EIPR1: variants seen among roughly 807,000 people sequenced by gnomAD.
EIPR1 encodes EARP complex and GARP complex interacting protein 1, also known as EARP and GARP complex-interacting protein 1.
A neutral mutation model predicts 48.1 loss-of-function variants in EIPR1; 25 were observed. That is an observed-to-expected ratio of 0.52 (90% CI 0.38 to 0.73). The LOEUF (loss-of-function observed/expected upper bound fraction) is 0.73, where lower values mean the gene tolerates loss of function less well. Ranked by LOEUF, EIPR1 falls within the 30% of genes least tolerant of loss-of-function variation. The probability of loss-of-function intolerance (pLI) is 0.00; values close to 1 mark genes in which losing one functional copy is unlikely to be tolerated. For synonymous variants in EIPR1, 204 were observed against 201.9 expected (o/e 1.01, Z -0.09); for missense variants, 415 against 506.2 (o/e 0.82, Z 1.73).
chr2:3,245,532 G>C (rs575884319), intron 4 of EIPR1, among the ~76,000 whole-genome samples: 1 of 152,306 alleles, frequency 6.6e-6, no homozygotes, highest in African/African-American at 2.4e-5. Context: ...ATTTTAAATG[G>C]AGACTTTAAA....
chr2:3,321,027 G>A (rs1669510709), intron 3 of EIPR1, among the ~76,000 whole-genome samples: 1 of 152,194 alleles, frequency 6.6e-6, no homozygotes. Flanking sequence ...GGCTGGCACT[G>A]TCAAGGTGTT....
chr2:3,366,868 C>T (rs375901834), intron 1 of EIPR1, among the ~76,000 whole-genome samples: 2 of 152,058 alleles, frequency 1.3e-5, no homozygotes, highest in Non-Finnish European at 2.9e-5. Flanking sequence ...GCCTGACCAA[C>T]GTGGTGAAAC....
rs1399912226 is a variant in EIPR1, at chr2:3,257,295, C to T, written c.416+4G>A. 1 of 1,612,042 alleles carries T rather than the reference C, an allele frequency of 6.2e-7. No homozygotes were observed. Among genetic ancestry groups the T allele is most frequent in the Admixed American group, 1.7e-5 (1 of 59,930 alleles). On this transcript the variant is annotated splice_donor_region_variant and intron_variant, in intron 4 of 8. Transcript: ENST00000382125. ...CTGGGCGCATGAAATATGCAAAATC[C>T]TACCAGGCCATGTTGCCATGGGCTG...
At chr2:3,354,742 A>G in intron 1 of EIPR1, 109 bp from the exon 2 acceptor site, 1 of 1,125,294 alleles carries the variant, frequency 8.9e-7, no homozygotes, top group East Asian at 2.5e-5. Flanking sequence ...GATAAAGTAT[A>G]AATTAGTACA....
intron 1 of EIPR1, among the ~76,000 whole-genome samples, chr2:3,355,577 G>A (rs1670702456): frequency 6.6e-6 from 1 of 152,188 alleles, no homozygotes. Context: ...GGGAGCCTGA[G>A]GCAGTAAGAT....
chr2:3,361,335 G>A lies in EIPR1; in HGVS notation c.43-6702C>T, dbSNP rs552543574. On this transcript the variant is annotated intron_variant, in intron 1 of 8. Transcript: ENST00000382125. ...CAAGCCCAACCCCCTAAGCTGCAAGGAAAGAACTCACTTCACAGGTCCCCA... is the reference window on the plus strand; with the variant it reads ...CAAGCCCAACCCCCTAAGCTGCAAGAAAAGAACTCACTTCACAGGTCCCCA... 3.3e-5 allele frequency among the ~76,000 whole-genome samples: 5 copies of A among 152,142 alleles called. No homozygotes were observed. In the South Asian group the frequency reaches 1.0e-3, roughly 32 times the overall value.
At chr2:3,356,348 G>C (rs1048916197) in intron 1 of EIPR1, among the ~76,000 whole-genome samples, 2 of 152,204 alleles carry the variant, frequency 1.3e-5, no homozygotes, top group African/African-American at 4.8e-5. Flanking sequence ...GAGAAACGTA[G>C]GCTGTATACA....
At chr2:3,214,002 C>T (rs577871847) in intron 5 of EIPR1, 147 bp downstream of exon 5, 3 of 632,740 alleles carry the variant, frequency 4.7e-6, no homozygotes, top group East Asian at 2.9e-5. Flanking sequence ...CCTCCCGCTC[C>T]CCCAACCCCA....
At chr2:3,260,639 T>A (rs1667306672) in intron 3 of EIPR1, among the ~76,000 whole-genome samples, 1 of 152,008 alleles carries the variant, frequency 6.6e-6, no homozygotes, top group Admixed American at 6.6e-5. Flanking sequence ...AAGGCCTGTA[T>A]CCAGAATAAA....
intron 5 of EIPR1, among the ~76,000 whole-genome samples, chr2:3,204,756 A>T (rs1032791404): frequency 6.6e-6 from 1 of 152,224 alleles, no homozygotes; most frequent in Non-Finnish European, 1.5e-5. Flanking sequence ...ATTTCCTGCC[A>T]TCAAGAGCCA....
intron 4 of EIPR1, among the ~76,000 whole-genome samples, chr2:3,239,917 G>A (rs1666539223): frequency 1.3e-5 from 2 of 152,186 alleles, no homozygotes; most frequent in South Asian, 2.1e-4. Context: ...CTTCTCCAGG[G>A]TGATGTGAAA....
chr2:3,260,985 C>T (rs1667317692), intron 3 of EIPR1, among the ~76,000 whole-genome samples: 1 of 152,194 alleles, frequency 6.6e-6, no homozygotes, highest in African/African-American at 2.4e-5. Flanking sequence ...CATTCACTTA[C>T]CAGATGACCC....
At chr2:3,244,044 C>T (rs370026143) in intron 4 of EIPR1, among the ~76,000 whole-genome samples, 1 of 152,236 alleles carries the variant, frequency 6.6e-6, no homozygotes, top group African/African-American at 2.4e-5. Context: ...AAGGCTGTGA[C>T]AACCCAGGCC....
At chr2:3,341,391 C>A (rs542473024) in intron 2 of EIPR1, among the ~76,000 whole-genome samples, 1 of 152,076 alleles carries the variant, frequency 6.6e-6, no homozygotes, top group Non-Finnish European at 1.5e-5. Flanking sequence ...CACGGGTGCA[C>A]GTGGGTGTGG....
At chr2:3,335,991 G>A (rs566246844) in intron 3 of EIPR1, among the ~76,000 whole-genome samples, 9 of 152,244 alleles carry the variant, frequency 5.9e-5, no homozygotes, top group South Asian at 2.1e-4. Context: ...AGAAAAGGCC[G>A]AGGACGGGCC....
chr2:3,367,019 T>C lies in EIPR1; in HGVS notation c.42+10629A>G, dbSNP rs1244643080. The stretch of plus-strand genomic sequence containing the variant: ...AAGATTGCGCCACTGTACTCCAGTC[T>C]GGGCCACACAGCGAGACTCTGTCCC... On this transcript the variant is annotated intron_variant, in intron 1 of 8. Transcript: ENST00000382125. Among the ~76,000 whole-genome samples, 3 of 151,518 alleles carry C rather than the reference T, an allele frequency of 2.0e-5. No homozygotes were observed. In the East Asian group the frequency reaches 5.8e-4, roughly 29 times the overall value.
rs528733201 is a variant in EIPR1 at position 3,338,239 on chromosome 2, G to A, written c.127-90C>T. The A allele has an allele frequency of 1.9e-5, 28 of 1,449,830 alleles. No homozygotes were observed. In the Middle Eastern group the frequency reaches 7.0e-4, roughly 36 times the overall value. The allele number at this position is 1,449,830 out of a possible 1,614,324, so 89.8% of individuals were successfully genotyped here. A position where few individuals can be genotyped will look rare whatever the true frequency, so the allele number is the denominator to read the frequency against. ...TCATGATTACAAAGAATAGTCACAT[G>A]CACATTTCGTGACAGATACATCTTT... On this transcript the variant is annotated intron_variant, in intron 2 of 8. Coordinates refer to ENST00000382125, the MANE Select transcript of EIPR1 (RefSeq NM_003310.5).
intron 2 of EIPR1, among the ~76,000 whole-genome samples, chr2:3,348,979 A>T (rs1349404945): frequency 6.6e-6 from 1 of 152,132 alleles, no homozygotes; most frequent in East Asian, 1.9e-4. Flanking sequence ...AGCCGGAACC[A>T]TGGGGCCCAG....
intron 4 of EIPR1, among the ~76,000 whole-genome samples, chr2:3,232,722 T>A (rs1291608441): frequency 6.6e-6 from 1 of 152,186 alleles, no homozygotes; most frequent in Non-Finnish European, 1.5e-5. Context: ...CCATGTTGAA[T>A]AGGCCTGAAT....
Sources: gnomAD v4.1 joint callset for allele counts (sites outside exome capture counted in the v4.1 genomes callset) on GRCh38, gnomAD v4.1.1 for gene constraint, MANE v1.5 for transcripts, NCBI Gene and HGNC (gene_info 2026-07-23, HGNC 2026-07-21) for gene names.